The following CR1L variants were observed in gnomAD, a reference collection of about 807,000 sequenced individuals.
CR1L encodes complement C3b/C4b receptor 1 like, also known as complement component receptor 1-like protein.
Under a neutral mutation model 62.3 loss-of-function variants are expected in CR1L, and 59 were observed. The observed-to-expected ratio is 0.95, with a 90% CI of 0.77 to 1.18. The LOEUF is 1.18. Among genes scored for constraint, CR1L ranks in the 50% most tolerant of loss-of-function variants. The probability of loss-of-function intolerance (pLI) is 0.00; values close to 1 mark genes in which losing one functional copy is unlikely to be tolerated. For missense variants in CR1L, 700 were observed against 702.8 expected, an observed-to-expected ratio of 1.00 and a Z score of 0.04; for synonymous variants, 279 against 248.7, an observed-to-expected ratio of 1.12 and a Z score of -1.15.
rs150004292 is a variant in CR1L at position 207,710,516 on chromosome 1, G to A, written c.1414+2253G>A. On this transcript the variant is annotated intron_variant, in intron 10 of 11. Coordinates refer to ENST00000508064, the MANE Select transcript of CR1L (RefSeq NM_175710.2). ...CAGAGGGAGAAAGGTGTTTGAGCTC[G>A]TGGGTGAGCCCTCCATATACTGCAC... The A allele has an allele frequency of 3.4e-5, 54 of 1,608,650 alleles. 1 individual carries two copies. Among genetic ancestry groups the A allele is most frequent in the Admixed American group, 1.3e-4 (8 of 59,902 alleles).
chr1:207,671,730 T>C (rs1663617929), intron 1 of CR1L, among the ~76,000 whole-genome samples: 1 of 150,698 alleles, frequency 6.6e-6, no homozygotes, highest in South Asian at 2.1e-4. Context: ...GAGACCAGCC[T>C]GGCCAACATG....
intron 10 of CR1L, among the ~76,000 whole-genome samples, chr1:207,712,443 C>T (rs1664373461): frequency 6.6e-6 from 1 of 152,226 alleles, no homozygotes. Flanking sequence ...CTTTTACTAA[C>T]TATGAGGCCT....
rs1571649637 is a variant in CR1L, at chr1:207,669,500, T to G, written c.98-7889T>G. 1.1e-5 allele frequency: 17 copies of G among 1,582,600 alleles called. No homozygotes were observed. The East Asian group carries it at 3.8e-4, about 36-fold the overall frequency. On this transcript the variant is annotated intron_variant, in intron 1 of 11. Coordinates refer to ENST00000508064, the MANE Select transcript of CR1L (RefSeq NM_175710.2). ...CCTGTTGGGCAGCCGGCGCCCGGTC[T>G]CCCCTTCTGCTGCGGAGGATCCCTG...
At chr1:207,676,295 C>T (rs1663690992) in intron 1 of CR1L, among the ~76,000 whole-genome samples, 1 of 152,068 alleles carries the variant, frequency 6.6e-6, no homozygotes, top group African/African-American at 2.4e-5. Context: ...TGTTTTAAAG[C>T]AGGTGTCCTC....
At chr1:207,645,420 C>A (rs1452025457) in intron 1 of CR1L, 90 bp downstream of exon 1, 2 of 1,388,808 alleles carry the variant, frequency 1.4e-6, no homozygotes, top group Non-Finnish European at 2.0e-6. Flanking sequence ...AAGCTCACTG[C>A]ACGTCGTGCC....
Position 207,671,588 on chromosome 1 carries a change from G to A in CR1L, c.98-5801G>A, listed in dbSNP as rs867777431. ...TGAAAAAAAGAAGTACAATTGATAT[G>A]CCAGTAAGGAAGAGTGAATTGCATC... On this transcript the variant is annotated intron_variant, in intron 1 of 11. Coordinates refer to ENST00000508064, the MANE Select transcript of CR1L (RefSeq NM_175710.2). Among the ~76,000 whole-genome samples the A allele has an allele frequency of 6.6e-5, 10 of 150,952 alleles. 2 individuals carry two copies. The highest frequency in any genetic ancestry group is 2.2e-4 in the African/African-American group (9 of 40,280).
chr1:207,657,805 A>G (rs1663338989), intron 1 of CR1L, among the ~76,000 whole-genome samples: 1 of 152,244 alleles, frequency 6.6e-6, no homozygotes, highest in Non-Finnish European at 1.5e-5. Flanking sequence ...CGTTTAAACA[A>G]AGAAATCACA....
intron 11 of CR1L, 95 bp downstream of exon 11, chr1:207,717,786 ATGGC>A (rs1347530571): frequency 1.3e-6 from 2 of 1,481,752 alleles, no homozygotes; most frequent in East Asian, 4.6e-5. Context: ...GCTTGTGAAA[ATGGC>A]TTTGCTGTAA....
intron 9 of CR1L, among the ~76,000 whole-genome samples, chr1:207,706,996 G>A (rs1664277569): frequency 6.6e-6 from 1 of 152,144 alleles, no homozygotes; most frequent in Admixed American, 6.5e-5. Flanking sequence ...GAAAAGATGA[G>A]TAGACTGACT....
At chr1:207,676,073 C>T (rs1663687338) in intron 1 of CR1L, among the ~76,000 whole-genome samples, 1 of 152,078 alleles carries the variant, frequency 6.6e-6, no homozygotes, top group South Asian at 2.1e-4. Context: ...GTATCTTACA[C>T]TCATACTTTA....
Position 207,677,524 on chromosome 1 carries a change from G to C in CR1L, c.233G>C (p.Cys78Ser). The stretch of plus-strand genomic sequence containing the variant: ...TCCGGAAGACCGTTTTCTATCATCT[G>C]CCTAAAAAACTCAGTCTGGACAAGT... ...GYSGRPFSII[C>S]LKNSVWTSAK... Residue 78 changes from cysteine (C) to serine (S), a missense_variant, in exon 2 of 12, where the codon TGC (cysteine) becomes TCC (serine). Cys to Ser is a moderately radical substitution (Grantham distance 112, BLOSUM62 -1). Transcript: ENST00000508064. The C allele has an allele frequency of 1.2e-6, 2 of 1,613,836 alleles. No homozygotes were observed. The highest frequency in any genetic ancestry group is 2.2e-5 in the South Asian group (2 of 91,070).
At chr1:207,713,423 G>A (rs1664393396) in intron 10 of CR1L, among the ~76,000 whole-genome samples, 1 of 152,180 alleles carries the variant, frequency 6.6e-6, no homozygotes, top group Non-Finnish European at 1.5e-5. Flanking sequence ...TAATTGTTTT[G>A]ATGCAAGATT....
At chr1:207,665,582 A>T (rs1412404788) in intron 1 of CR1L, among the ~76,000 whole-genome samples, 2 of 151,522 alleles carry the variant, frequency 1.3e-5, no homozygotes, top group African/African-American at 2.4e-5. Flanking sequence ...TTTAATAGAG[A>T]TGGGGTTTCA....
At chr1:207,717,835 CA>C in intron 11 of CR1L, 144 bp downstream of exon 11, 1 of 1,014,792 alleles carries the variant, frequency 9.9e-7, no homozygotes, top group East Asian at 2.6e-5. Context: ...AAGTGAATGA[CA>C]AATGGGTTCT....
intron 1 of CR1L, among the ~76,000 whole-genome samples, chr1:207,655,887 G>A (rs1287366839): frequency 6.6e-6 from 1 of 152,120 alleles, no homozygotes; most frequent in Non-Finnish European, 1.5e-5. Flanking sequence ...TAACTTAAAG[G>A]AAGACTTGGA....
rs562544024 is a variant in CR1L, at chr1:207,712,112, G to A, written c.1414+3849G>A. On this transcript the variant is annotated intron_variant, in intron 10 of 11. Transcript: ENST00000508064. ...GGCTCATCCGTGAATTCTGTCCTGA[G>A]TGAGGCAAGAACCCTTCCAGAGTAA... Among the ~76,000 whole-genome samples the A allele has an allele frequency of 1.1e-4, 17 of 152,328 alleles. No homozygotes were observed. In the East Asian group the frequency reaches 2.1e-3, roughly 19 times the overall value.
chr1:207,687,229 A>G (rs746917133), intron 4 of CR1L, among the ~76,000 whole-genome samples: 6 of 152,222 alleles, frequency 3.9e-5, no homozygotes, highest in Non-Finnish European at 8.8e-5. Context: ...GTAAGAGTTT[A>G]TATAAAATTG....
At chr1:207,661,243 G>T (rs772371776) in intron 1 of CR1L, among the ~76,000 whole-genome samples, 2 of 152,150 alleles carry the variant, frequency 1.3e-5, no homozygotes, top group Non-Finnish European at 2.9e-5. Context: ...TGACAGTGGG[G>T]TGTTAAACTC....
intron 1 of CR1L, among the ~76,000 whole-genome samples, chr1:207,647,675 C>A (rs1236440843): frequency 2.6e-5 from 4 of 152,134 alleles, no homozygotes; most frequent in Non-Finnish European, 5.9e-5. Flanking sequence ...CCTCCTGCCT[C>A]CAAGAGGAAG....
Sources: gnomAD v4.1 joint callset for allele counts (sites outside exome capture counted in the v4.1 genomes callset) on GRCh38, gnomAD v4.1.1 for gene constraint, MANE v1.5 for transcripts, NCBI Gene and HGNC (gene_info 2026-07-23, HGNC 2026-07-21) for gene names.